The following TMC3 variants were observed in gnomAD, a reference collection of about 807,000 sequenced individuals.
TMC3 encodes transmembrane channel-like protein 3.
A neutral mutation model predicts 110.6 loss-of-function variants in TMC3; 98 were observed. The ratio of observed to expected loss-of-function variants is 0.89; its 90% CI spans 0.75 to 1.05. TMC3 has a LOEUF of 1.05. Ranked by LOEUF, TMC3 falls within the 50% of genes least tolerant of loss-of-function variation. TMC3 has a pLI of 0.00. For synonymous variants in TMC3, 489 were observed against 513.1 expected, an observed-to-expected ratio of 0.95 and a Z score of 0.63; for missense variants, 1,319 against 1,373.2, an observed-to-expected ratio of 0.96 and a Z score of 0.62.
intron 16 of TMC3, among the ~76,000 whole-genome samples, chr15:81,339,993 C>T (rs1425347386): frequency 6.6e-6 from 1 of 152,172 alleles, no homozygotes; most frequent in Non-Finnish European, 1.5e-5. Context: ...AACCTCTTAT[C>T]CACTCCGCAT....
At position 81,351,709 on chromosome 15, in the gene TMC3, A is replaced by T; in HGVS notation, c.1068T>A (p.Leu356=). ...CAGTGGGTACCTCATTCTTTTCCCA[A>T]AGTGTCAGCTCCTTCTTCGACTGCT... The part of the protein sequence containing the change: ...KLEQSKKELT[L]WEKNEVSVVV... Residue 356 remains leucine (L), a synonymous_variant, in exon 10 of 22, where the codon CTT becomes CTA. Transcript: ENST00000359440. The T allele has an allele frequency of 1.3e-6, 2 of 1,555,776 alleles. No individual in the cohort carries two copies. The highest frequency in any genetic ancestry group is 1.7e-6 in the Non-Finnish European group (2 of 1,149,392).
intron 4 of TMC3, chr15:81,361,888 C>T (rs1158539425): frequency 1.2e-5 from 2 of 167,820 alleles, no homozygotes; most frequent in African/African-American, 2.4e-5. Flanking sequence ...TTTTGCAATT[C>T]CTTGAGCTAC....
intron 1 of TMC3, 135 bp from the exon 2 acceptor site, chr15:81,372,872 T>TGTGTGTGC (rs1167194821): frequency 3.4e-5 from 14 of 414,922 alleles, no homozygotes; most frequent in South Asian, 2.0e-4. Context: ...TGTTTGTGCG[T>TGTGTGTGC]GTGTGTGTGT....
chr15:81,363,418 A>G (rs966898088), intron 3 of TMC3, among the ~76,000 whole-genome samples: 1 of 152,258 alleles, frequency 6.6e-6, no homozygotes, highest in Non-Finnish European at 1.5e-5. Context: ...TTTGTGCTGG[A>G]AGCAAATGAT....
chr15:81,345,645 G>T (rs1407284001), intron 12 of TMC3, among the ~76,000 whole-genome samples: 1 of 152,096 alleles, frequency 6.6e-6, no homozygotes, highest in African/African-American at 2.4e-5. Flanking sequence ...CGAGGCAGGG[G>T]AATCGCTTGA....
chr15:81,358,328 G>T, intron 6 of TMC3, 37 bp from the exon 7 acceptor site: 6 of 1,597,568 alleles, frequency 3.8e-6, no homozygotes, highest in Non-Finnish European at 5.1e-6. Context: ...TCTGCTTCCC[G>T]TTCCCAGGTC....
Position 81,333,238 on chromosome 15 carries a change from G to A in TMC3, c.2484C>T (p.Ser828=). 1 of 1,612,400 alleles carries A rather than the reference G, an allele frequency of 6.2e-7. No individual in the cohort carries two copies. The highest frequency in any genetic ancestry group is 1.7e-4 in the Middle Eastern group (1 of 6,034). Residue 828 remains serine, a synonymous_variant, in exon 22 of 22, where the codon AGC becomes AGT. Transcript: ENST00000359440. ...ATCTGTTCCTGTGAAGGTCACTGGTGCTTGCACACAGACCGTGCAGATACC... is the reference window on the plus strand; with the variant it reads ...ATCTGTTCCTGTGAAGGTCACTGGTACTTGCACACAGACCGTGCAGATACC... ...TNRYLHGLCA[S]TSDLHRNRSR... is the part of the protein sequence containing the mutation.
intron 7 of TMC3, 141 bp downstream of exon 7, chr15:81,358,008 C>T (rs1364862361): frequency 5.8e-6 from 6 of 1,037,472 alleles, no homozygotes; most frequent in Non-Finnish European, 8.1e-6. Flanking sequence ...GATGACATTA[C>T]ACATATCATA....
At chr15:81,343,833 T>G in intron 14 of TMC3, 84 bp downstream of exon 14, 1 of 1,498,908 alleles carries the variant, frequency 6.7e-7, no homozygotes, top group Non-Finnish European at 9.1e-7. Context: ...CCCTCAACTA[T>G]GCTGGACTGT....
At chr15:81,351,652 A>C in intron 10 of TMC3, 42 bp downstream of exon 10, 1 of 1,549,826 alleles carries the variant, frequency 6.5e-7, no homozygotes, top group African/African-American at 1.4e-5. Flanking sequence ...GTGCCCAGCT[A>C]TGTCTCTTTT....
At chr15:81,336,730 A>G (rs1336843584) in intron 19 of TMC3, 79 bp from the exon 20 acceptor site, 3 of 1,405,034 alleles carry the variant, frequency 2.1e-6, no homozygotes, top group South Asian at 2.3e-5. Flanking sequence ...GGGAAGAGAA[A>G]AAGATTTACA....
chr15:81,367,002 A>C (rs892011178), intron 3 of TMC3, among the ~76,000 whole-genome samples: 1 of 152,186 alleles, frequency 6.6e-6, no homozygotes, highest in Non-Finnish European at 1.5e-5. Context: ...TAAATCATCA[A>C]GGCTTTTAGA....
At position 81,332,270 on chromosome 15, in the gene TMC3, G is replaced by C. The variant is rs1893477721; in HGVS notation, c.*149C>G. 4.2e-6 allele frequency: 5 copies of C among 1,181,594 alleles called. No homozygotes were observed. In the Admixed American group the frequency reaches 1.2e-4, roughly 28 times the overall value. The allele number at this position is 1,181,594 out of a possible 1,614,324, so 73.2% of individuals were successfully genotyped here. A position where few individuals can be genotyped will look rare whatever the true frequency, so the allele number is the denominator to read the frequency against. On this transcript the variant is annotated 3_prime_UTR_variant, in exon 22 of 22. Transcript: ENST00000359440. ...AGAATAGGTATCTGTAGCCCTGTCA[G>C]CCTCAGGGCCTCAGCTAGCAGCCGC...
intron 17 of TMC3, among the ~76,000 whole-genome samples, 165 bp from the exon 18 acceptor site, chr15:81,338,945 T>C (rs1305321495): frequency 6.6e-6 from 1 of 152,234 alleles, no homozygotes. Flanking sequence ...TTAATCACAT[T>C]GCATGTATGT....
At chr15:81,353,032 G>C (rs184590636) in intron 9 of TMC3, among the ~76,000 whole-genome samples, 21 of 152,200 alleles carry the variant, frequency 1.4e-4, no homozygotes, top group African/African-American at 4.8e-4. Context: ...TGTTGATCAG[G>C]CTTGTCTCAA....
At chr15:81,339,533 A>G (rs754667765) in intron 16 of TMC3, 29 bp from the exon 17 acceptor site, 18 of 1,531,356 alleles carry the variant, frequency 1.2e-5, no homozygotes, top group East Asian at 2.4e-5. Flanking sequence ...TCATGTGTTA[A>G]GTTCACTCCA....
At chr15:81,364,901 C>A (rs893989916) in intron 3 of TMC3, among the ~76,000 whole-genome samples, 19 of 150,560 alleles carry the variant, frequency 1.3e-4, no homozygotes, top group African/African-American at 4.6e-4. Flanking sequence ...TTCTTAATGT[C>A]ACGAATTTTT....
chr15:81,364,103 G>A (rs1362931853), intron 3 of TMC3, among the ~76,000 whole-genome samples: 1 of 152,122 alleles, frequency 6.6e-6, no homozygotes, highest in African/African-American at 2.4e-5. Context: ...AAAGTTGTAT[G>A]AGAATTTTCA....
intron 2 of TMC3, among the ~76,000 whole-genome samples, chr15:81,371,323 G>T (rs565373431): frequency 2.0e-5 from 3 of 152,200 alleles, no homozygotes; most frequent in Admixed American, 6.5e-5. Context: ...AGAAGAGGCT[G>T]GTCAGACTGG....
Sources: gnomAD v4.1 joint callset for allele counts (sites outside exome capture counted in the v4.1 genomes callset) on GRCh38, gnomAD v4.1.1 for gene constraint, MANE v1.5 for transcripts, NCBI Gene and HGNC (gene_info 2026-07-23, HGNC 2026-07-21) for gene names.